The following MYLK variants were observed in gnomAD, a reference collection of about 807,000 sequenced individuals.
MYLK encodes the protein myosin light chain kinase.
MYLK carries 106 observed loss-of-function variants against 203.4 expected under a neutral mutation model. That is an observed-to-expected ratio of 0.52 (90% CI 0.45 to 0.61). The LOEUF (loss-of-function observed/expected upper bound fraction) is 0.61, where lower values mean the gene tolerates loss of function less well. Among genes scored for constraint, MYLK ranks in the 20% least tolerant of loss-of-function variants. MYLK has a pLI of 0.00. For missense variants in MYLK, 2,072 were observed against 2,442.3 expected (o/e 0.85, Z 3.20); for synonymous variants, 867 against 959.5 (o/e 0.90, Z 1.78).
intron 13 of MYLK, among the ~76,000 whole-genome samples, chr3:123,715,574 G>A (rs1365418625): frequency 6.6e-6 from 1 of 152,190 alleles, no homozygotes; most frequent in Non-Finnish European, 1.5e-5. Context: ...AGAGTTAGGA[G>A]CAGTTTGCTA....
chr3:123,787,080 C>A (rs2064561581), intron 4 of MYLK, among the ~76,000 whole-genome samples: 1 of 152,054 alleles, frequency 6.6e-6, no homozygotes, highest in South Asian at 2.1e-4. Flanking sequence ...TTTAAAAGGC[C>A]AAAGTAGTCA....
intron 4 of MYLK, 100 bp from the exon 5 acceptor site, chr3:123,752,638 T>A: frequency 8.9e-7 from 1 of 1,117,832 alleles, no homozygotes; most frequent in South Asian, 1.3e-5. Context: ...ACTCATTTAA[T>A]CCTCATAACG....
intron 16 of MYLK, among the ~76,000 whole-genome samples, chr3:123,706,458 G>A (rs1296574530): frequency 6.6e-6 from 1 of 152,136 alleles, no homozygotes; most frequent in East Asian, 1.9e-4. Context: ...CTTGCAAAGT[G>A]GTCAGGCACC....
chr3:123,720,020 C>T (rs886255046), intron 13 of MYLK, among the ~76,000 whole-genome samples: 2 of 152,176 alleles, frequency 1.3e-5, no homozygotes, highest in East Asian at 1.9e-4. Context: ...CAAATGCTGC[C>T]GGGCCTGAGC....
Position 123,775,743 on chromosome 3 carries a change from G to C in MYLK, c.165+17934C>G, listed in dbSNP as rs114621742. Among the ~76,000 whole-genome samples, 580 of 152,268 alleles carry C rather than the reference G, an allele frequency of 3.8e-3. 10 individuals carry two copies. Among genetic ancestry groups the C allele is most frequent in the African/African-American group, 0.014 (563 of 41,536 alleles). ...ACAAGTACCAAGTAGTTCAACATTC[G>C]ACCCTGTGTGGCTGGAAGAGTCTCT... On this transcript the variant is annotated intron_variant, in intron 4 of 33. Coordinates refer to ENST00000360304, the MANE Select transcript of MYLK (RefSeq NM_053025.4).
At chr3:123,689,322 G>A (rs2060574269) in intron 19 of MYLK, among the ~76,000 whole-genome samples, 1 of 152,266 alleles carries the variant, frequency 6.6e-6, no homozygotes, top group South Asian at 2.1e-4. Flanking sequence ...GTTGGAATGA[G>A]AGGAAAGGGG....
intron 4 of MYLK, among the ~76,000 whole-genome samples, chr3:123,782,590 G>A (rs915349746): frequency 2.6e-5 from 4 of 152,268 alleles, no homozygotes; most frequent in African/African-American, 9.6e-5. Flanking sequence ...CAGTGCTATC[G>A]CTCATGCCTG....
chr3:123,664,663 T>C (rs1365819867), intron 22 of MYLK, among the ~76,000 whole-genome samples: 1 of 152,232 alleles, frequency 6.6e-6, no homozygotes, highest in African/African-American at 2.4e-5. Flanking sequence ...TAGCCACTAG[T>C]CACATGTGGC....
intron 23 of MYLK, among the ~76,000 whole-genome samples, chr3:123,659,381 T>C (rs1652242178): frequency 6.6e-6 from 1 of 152,212 alleles, no homozygotes; most frequent in Non-Finnish European, 1.5e-5. Flanking sequence ...CCTACCCTGT[T>C]ACACATGTCT....
intron 4 of MYLK, among the ~76,000 whole-genome samples, chr3:123,779,617 G>T (rs1005267391): frequency 3.9e-5 from 6 of 152,166 alleles, no homozygotes; most frequent in African/African-American, 7.2e-5. Context: ...TGGCTGAGAG[G>T]GACCTGCAAT....
intron 20 of MYLK, among the ~76,000 whole-genome samples, chr3:123,669,081 G>A (rs755791501): frequency 6.6e-6 from 1 of 152,232 alleles, no homozygotes; most frequent in South Asian, 2.1e-4. Flanking sequence ...TGGAACTTGT[G>A]CATTTCCACG....
At chr3:123,742,738 G>T (rs1486486100) in intron 5 of MYLK, among the ~76,000 whole-genome samples, 2 of 152,164 alleles carry the variant, frequency 1.3e-5, no homozygotes, top group African/African-American at 4.8e-5. Flanking sequence ...ATTAACTGAT[G>T]AATGGATAAA....
In MYLK at chr3:123,752,532, C is replaced by G. The variant is rs1213091943; in HGVS notation, c.172G>C (p.Gly58Arg). 6.2e-7 allele frequency: 1 copy of G among 1,612,886 alleles called. No homozygotes were observed. Among genetic ancestry groups the G allele is most frequent in the Non-Finnish European group, 8.5e-7 (1 of 1,179,782 alleles). Residue 58 changes from glycine (G) to arginine (R), a missense_variant, in exon 5 of 34, where the codon GGT (glycine) becomes CGT (arginine). Transcript: ENST00000360304. ...CATGTCACCTGGGGCTCTGGGTAAC[C>G]CCGGACCTTCAAGAAAAAGAAGAAA... ...ATAKFEGRVR[G>R]YPEPQVTWHR...
chr3:123,701,567 C>A, intron 16 of MYLK, 58 bp from the exon 17 acceptor site: 1 of 1,551,692 alleles, frequency 6.4e-7, no homozygotes, highest in South Asian at 1.1e-5. Context: ...AGGGCCTGTT[C>A]AGTGTGGACT....
In MYLK at chr3:123,611,888, T is replaced by C. The variant is rs2720313; in HGVS notation, c.*2217A>G. On this transcript the variant is annotated 3_prime_UTR_variant, in exon 34 of 34. Transcript: ENST00000360304. ...GTTCGTTCCTGAGAGAACCTGATGC[T>C]GCCGCTGATCTGACAGGAGGCAGAG... 0.38 allele frequency: 58,258 copies of C among 152,142 alleles called. 16,664 individuals are homozygous for C. Among genetic ancestry groups the C allele is most frequent in the African/African-American group, 0.78 (32,271 of 41,386 alleles). 9.4% of individuals were successfully genotyped at this position (152,142 alleles called of 1,614,324 possible).
intron 19 of MYLK, 77 bp downstream of exon 19, chr3:123,692,658 A>G (rs2060724300): frequency 8.7e-7 from 1 of 1,143,854 alleles, no homozygotes; most frequent in South Asian, 1.2e-5. Flanking sequence ...CTGACAGGCA[A>G]GGTATGGTAA....
At chr3:123,822,304 G>T (rs2065964031) in intron 3 of MYLK, among the ~76,000 whole-genome samples, 1 of 152,164 alleles carries the variant, frequency 6.6e-6, no homozygotes, top group Non-Finnish European at 1.5e-5. Context: ...AGACCCTCAG[G>T]CCTGGGTACT....
At chr3:123,620,399 G>A in intron 31 of MYLK, 63 bp from the exon 32 acceptor site, 1 of 1,611,026 alleles carries the variant, frequency 6.2e-7, no homozygotes, top group Non-Finnish European at 8.5e-7. Context: ...GGTAGTGCGA[G>A]GGGCTGCAGG....
chr3:123,775,326 C>T (rs1250621320), intron 4 of MYLK, among the ~76,000 whole-genome samples: 3 of 152,228 alleles, frequency 2.0e-5, no homozygotes, highest in Non-Finnish European at 4.4e-5. Context: ...GGGTACCTCA[C>T]CTGGCTCTCA....
Sources: allele counts gnomAD v4.1 joint callset (sites outside exome capture counted in the v4.1 genomes callset), GRCh38; gene constraint gnomAD v4.1.1; transcripts MANE v1.5; gene names NCBI Gene and HGNC (gene_info 2026-07-23, HGNC 2026-07-21).